NRXN2: variants seen among roughly 807,000 people sequenced by gnomAD.
NRXN2 encodes neurexin-2-beta.
NRXN2 carries 29 observed loss-of-function variants against 128.8 expected under a neutral mutation model. The ratio of observed to expected loss-of-function variants is 0.23; its 90% CI spans 0.17 to 0.31. The LOEUF is 0.31. NRXN2 is among the 10% of genes least tolerant of loss of function. The probability of loss-of-function intolerance (pLI) is 1.00; values close to 1 mark genes in which losing one functional copy is unlikely to be tolerated. For synonymous variants in NRXN2, 1,098 were observed against 1,075.2 expected (o/e 1.02, Z -0.41); for missense variants, 1,881 against 2,452.6 (o/e 0.77, Z 4.92).
intron 3 of NRXN2, among the ~76,000 whole-genome samples, chr11:64,694,501 C>T (rs477138): frequency 6.6e-6 from 1 of 152,104 alleles, no homozygotes. Context: ...CCTCTTTGCC[C>T]CATGTCTCTA....
At position 64,614,877 on chromosome 11, in the gene NRXN2, C is replaced by T. The variant is rs550141908; in HGVS notation, c.4252+5417G>A. ...CGGTGGGCCACCATCTCCCAGACAT[C>T]ATGAGCTTTGAGATGAATGCCCTAG... is the stretch of plus-strand genomic sequence containing the variant. On this transcript the variant is annotated intron_variant, in intron 22 of 22. Transcript: ENST00000265459. Among the ~76,000 whole-genome samples the T allele has an allele frequency of 1.3e-4, 20 of 152,364 alleles. No individual in the cohort carries two copies. In the South Asian group the frequency reaches 4.1e-3, roughly 32 times the overall value.
intron 5 of NRXN2, 67 bp from the exon 6 acceptor site, chr11:64,686,014 T>C: frequency 5.7e-6 from 9 of 1,567,746 alleles, no homozygotes; most frequent in Non-Finnish European, 7.9e-6. Context: ...TGCTTCCCTC[T>C]CCCCTCCAGC....
At chr11:64,654,553 T>C (rs1345927475) in intron 11 of NRXN2, among the ~76,000 whole-genome samples, 2 of 152,166 alleles carry the variant, frequency 1.3e-5, no homozygotes, top group African/African-American at 4.8e-5. Context: ...ATTGCTATCC[T>C]CTGATTTCAG....
At chr11:64,721,938 A>G (rs1294527327) in intron 1 of NRXN2, among the ~76,000 whole-genome samples, 1 of 151,838 alleles carries the variant, frequency 6.6e-6, no homozygotes, top group Non-Finnish European at 1.5e-5. Flanking sequence ...AGCCCCTCCC[A>G]GCCCTTGCTA....
chr11:64,613,157 C>T (rs776427319), intron 22 of NRXN2, among the ~76,000 whole-genome samples: 8 of 152,364 alleles, frequency 5.3e-5, no homozygotes, highest in Middle Eastern at 3.4e-3. Flanking sequence ...CATGCACACA[C>T]ACACACTGAG....
Position 64,652,070 on chromosome 11 carries a change from C to T in NRXN2, c.2501G>A (p.Ser834Asn). The T allele has an allele frequency of 6.2e-7, 1 of 1,613,368 alleles. No homozygotes were observed. The highest frequency in any genetic ancestry group is 8.5e-7 in the Non-Finnish European group (1 of 1,179,994). The change falls in exon 13 of 23, where the codon AGC becomes AAC. Residue 834 changes from serine (S) to asparagine (N), a missense_variant. By Grantham distance (46) the Ser-to-Asn change is conservative. Transcript: ENST00000265459. ...CACGTTGTCCACAGACAGCTGCAGG[C>T]TCTTGCCACGCCGGACCACCCTCAC... ...HTVRVVRRGK[S>N]LQLSVDNVTV...
At position 64,631,531 on chromosome 11, in the gene NRXN2, T is replaced by C. The variant is rs1243912426; in HGVS notation, c.3586-958A>G. Among the ~76,000 whole-genome samples the C allele has an allele frequency of 6.6e-6, 1 of 151,636 alleles. No individual in the cohort carries two copies. Among genetic ancestry groups the C allele is most frequent in the Non-Finnish European group, 1.5e-5 (1 of 67,906 alleles). Reference sequence around the variant, plus strand: ...CTGAGTGGGTACTGTACACGCATGCTCTCTTCCCTACACCAACCCGCTGAA... The same window carrying C: ...CTGAGTGGGTACTGTACACGCATGCCCTCTTCCCTACACCAACCCGCTGAA... On this transcript the variant is annotated intron_variant, in intron 18 of 22. Transcript: ENST00000265459. The surrounding 1 kb of genome is among the most constrained non-coding windows in gnomAD (Gnocchi z 4.8).
At chr11:64,680,028 C>T (rs1368636536) in intron 6 of NRXN2, among the ~76,000 whole-genome samples, 1 of 152,100 alleles carries the variant, frequency 6.6e-6, no homozygotes, top group Non-Finnish European at 1.5e-5. Flanking sequence ...AGCCTGGGAG[C>T]ACAAGCATGA....
rs756424982 is a variant in NRXN2, at chr11:64,642,670, A to T, written c.3403+5549T>A. ...GACCCGGGCCCCCTCGGCCGCCCCC[A>T]GCAGCAACAGCAGCAACAGCGGCAA... On this transcript the variant is annotated intron_variant, in intron 17 of 22. Transcript: ENST00000265459. 3.2e-6 allele frequency: 5 copies of T among 1,555,458 alleles called. No individual in the cohort carries two copies. In the African/African-American group the frequency reaches 7.0e-5, roughly 22 times the overall value.
chr11:64,674,277 G>A (rs184433059), intron 7 of NRXN2, among the ~76,000 whole-genome samples: 18 of 152,164 alleles, frequency 1.2e-4, no homozygotes, highest in Middle Eastern at 3.4e-3. Flanking sequence ...TGCAACCTCC[G>A]CTTCCCAGGT....
At chr11:64,628,893 G>C (rs1437751687) in intron 19 of NRXN2, among the ~76,000 whole-genome samples, 2 of 152,160 alleles carry the variant, frequency 1.3e-5, no homozygotes, top group African/African-American at 2.4e-5. Context: ...TCCCTCTGCA[G>C]AGCTGTTTTT....
chr11:64,703,440 A>G (rs1161708542), intron 2 of NRXN2, among the ~76,000 whole-genome samples: 1 of 152,228 alleles, frequency 6.6e-6, no homozygotes, highest in African/African-American at 2.4e-5. Flanking sequence ...AACTTGGCCA[A>G]GGTCACACTG....
chr11:64,713,287 C>G lies in NRXN2; in HGVS notation c.413G>C (p.Arg138Pro). 3 of 1,381,098 alleles carry G rather than the reference C, an allele frequency of 2.2e-6. No homozygotes were observed. Among genetic ancestry groups the G allele is most frequent in the Non-Finnish European group, 2.8e-6 (3 of 1,071,234 alleles). The allele number at this position is 1,381,098 out of a possible 1,614,324, so 85.6% of individuals were successfully genotyped here. ...VDGEARAAEV[R>P]SKRREMQVAS... is the part of the protein sequence containing the mutation. ...CACCTGCATCTCGCGCCGCTTGGAG[C>G]GCACCTCGGCGGCGCGGGCCTCGCC... is the stretch of plus-strand genomic sequence containing the variant. The change falls in exon 2 of 23, where the codon CGC (arginine) becomes CCC (proline). Residue 138 changes from arginine (R) to proline (P), a missense_variant. Arg to Pro is a moderately radical substitution (Grantham distance 103, BLOSUM62 -2). This residue lies in a region of NRXN2 where 997 missense variants were observed against 1,240.8 expected (regional missense o/e 0.80). Coordinates refer to ENST00000265459, the MANE Select transcript of NRXN2 (RefSeq NM_015080.4).
intron 6 of NRXN2, among the ~76,000 whole-genome samples, chr11:64,679,077 G>T (rs1188655340): frequency 6.6e-6 from 1 of 152,180 alleles, no homozygotes; most frequent in Non-Finnish European, 1.5e-5. Flanking sequence ...CTGGTGGCTG[G>T]TAGGACTGTC....
chr11:64,662,530 C>T (rs1013816744), intron 9 of NRXN2, among the ~76,000 whole-genome samples: 1 of 152,160 alleles, frequency 6.6e-6, no homozygotes, highest in African/African-American at 2.4e-5. Context: ...GCCTGTAATC[C>T]CAGCACTTTG....
chr11:64,653,656 TC>T, intron 12 of NRXN2, 39 bp downstream of exon 12: 1 of 1,575,524 alleles, frequency 6.3e-7, no homozygotes, highest in Non-Finnish European at 8.6e-7. Flanking sequence ...AGCATCCCAG[TC>T]CCCTTGGGTC....
At chr11:64,689,184 A>G (rs1014300612) in intron 5 of NRXN2, among the ~76,000 whole-genome samples, 3 of 151,908 alleles carry the variant, frequency 2.0e-5, no homozygotes, top group Non-Finnish European at 2.9e-5. Context: ...GACTCATGCC[A>G]GTTGGTAACT....
intron 20 of NRXN2, among the ~76,000 whole-genome samples, chr11:64,625,907 C>A (rs542262144): frequency 6.6e-6 from 1 of 152,306 alleles, no homozygotes; most frequent in East Asian, 1.9e-4. Context: ...AGATAGCAGC[C>A]CCACAGCACT....
intron 7 of NRXN2, chr11:64,676,668 C>A (rs2051360600): frequency 2.1e-6 from 1 of 465,426 alleles, no homozygotes; most frequent in East Asian, 3.7e-5. Flanking sequence ...GCTGGTCTAA[C>A]CAGAGCCGAT....
Sources: gnomAD v4.1 joint callset for allele counts (sites outside exome capture counted in the v4.1 genomes callset) on GRCh38, gnomAD v4.1.1 for gene constraint, gnomAD v4.1.1 regional missense constraint, Gnocchi (gnomAD v3.1) non-coding constraint, MANE v1.5 for transcripts, NCBI Gene and HGNC (gene_info 2026-07-23, HGNC 2026-07-21) for gene names.